CDKN3: variants seen among roughly 807,000 people sequenced by gnomAD.
The protein encoded by CDKN3 is cyclin-dependent kinase inhibitor 3.
In CDKN3, 19 loss-of-function variants were observed where a neutral mutation model predicts 36.1. The observed-to-expected ratio is 0.53, with a 90% CI of 0.37 to 0.77. The LOEUF is 0.77. Among genes scored for constraint, CDKN3 ranks in the 30% least tolerant of loss-of-function variants. The pLI, the probability that CDKN3 is intolerant of heterozygous loss-of-function variation, is 0.00. For synonymous variants in CDKN3, 71 were observed against 85.3 expected, an observed-to-expected ratio of 0.83 and a Z score of 0.92; for missense variants, 188 against 248.6, an observed-to-expected ratio of 0.76 and a Z score of 1.64.
intron 2 of CDKN3, 45 bp downstream of exon 2, chr14:54,400,021 A>G (rs755728211): frequency 7.9e-6 from 7 of 885,250 alleles, no homozygotes; most frequent in Non-Finnish European, 1.3e-5. Flanking sequence ...ATCACAATCT[A>G]CATCATAAAT....
chr14:54,418,448 G>A (rs2030621291), intron 7 of CDKN3: 4 of 587,886 alleles, frequency 6.8e-6, no homozygotes, highest in African/African-American at 1.9e-5. Context: ...GTAGATAACT[G>A]GGGACATCTT....
chr14:54,411,904 A>T, intron 5 of CDKN3, 198 bp downstream of exon 5: 1 of 616,040 alleles, frequency 1.6e-6, no homozygotes, highest in Non-Finnish European at 2.9e-6. Flanking sequence ...ACTTTTCAAG[A>T]GTAGGGACAA....
At chr14:54,401,658 G>T in intron 3 of CDKN3, 79 bp downstream of exon 3, 1 of 1,031,142 alleles carries the variant, frequency 9.7e-7, no homozygotes. Context: ...CTTTTGGGGG[G>T]ACAGGTGGTG....
chr14:54,419,342 A>G (rs4251674), intron 7 of CDKN3, among the ~76,000 whole-genome samples: 15 of 152,226 alleles, frequency 9.9e-5, no homozygotes, highest in Non-Finnish European at 1.6e-4. Context: ...ATTCTGTGGC[A>G]AACAGGCTTG....
intron 1 of CDKN3, among the ~76,000 whole-genome samples, chr14:54,398,117 C>CA (rs778654373): frequency 2.6e-5 from 4 of 152,074 alleles, no homozygotes; most frequent in African/African-American, 4.8e-5. Flanking sequence ...GGCGACAGAG[C>CA]AAAACCCTAT....
At position 54,413,876 on chromosome 14, in the gene CDKN3, G is replaced by A. The variant is rs116479858; in HGVS notation, c.417-2023G>A. On this transcript the variant is annotated intron_variant, in intron 5 of 7. Coordinates refer to ENST00000335183, the MANE Select transcript of CDKN3 (RefSeq NM_005192.4). ...ACAAAGTACCACAAACCAGGTAGCT[G>A]AAAACAACAGAAATTTCTTCTTTCC... 9.3e-4 allele frequency: 1,213 copies of A among 1,298,538 alleles called. 14 individuals are homozygous for A. The African/African-American group carries it at 0.017, about 18-fold the overall frequency. The allele number at this position is 1,298,538 out of a possible 1,614,324, so 80.4% of individuals were successfully genotyped here. A position where few individuals can be genotyped will look rare whatever the true frequency, so the allele number is the denominator to read the frequency against.
rs4251603 is a variant in CDKN3, at chr14:54,399,013, T to A, written c.10-881T>A. Reference sequence around the variant, plus strand: ...TTTTTTTTTTTTTTTTTTGGCAGAGTCATGCCCTGTCAGCCAGGCTGGAGT... The same window carrying A: ...TTTTTTTTTTTTTTTTTTGGCAGAGACATGCCCTGTCAGCCAGGCTGGAGT... On this transcript the variant is annotated intron_variant, in intron 1 of 7. Coordinates refer to ENST00000335183, the MANE Select transcript of CDKN3 (RefSeq NM_005192.4). Among the ~76,000 whole-genome samples the A allele has an allele frequency of 1.1e-4, 10 of 88,580 alleles. No individual in the cohort carries two copies. In the East Asian group the frequency reaches 3.2e-3, roughly 28 times the overall value. 58.1% of individuals were successfully genotyped at this position (88,580 alleles called of 152,430 possible). A position where few individuals can be genotyped will look rare whatever the true frequency, so the allele number is the denominator to read the frequency against.
rs4251598 is a variant in CDKN3, at chr14:54,397,603, C to T, written c.9+526C>T. 2.7e-3 allele frequency among the ~76,000 whole-genome samples: 406 copies of T among 152,350 alleles called. 6 individuals carry two copies. In the East Asian group the frequency reaches 0.034, roughly 13 times the overall value. On this transcript the variant is annotated intron_variant, in intron 1 of 7. Transcript: ENST00000335183. Reference sequence around the variant, plus strand: ...TCCCGTGACGTTCAGAATCACAGGGCCTGGGGAAGCAGAAACGTCCAGCTC... The same window carrying T: ...TCCCGTGACGTTCAGAATCACAGGGTCTGGGGAAGCAGAAACGTCCAGCTC...
At position 54,419,973 on chromosome 14, in the gene CDKN3, G is replaced by C. The variant is rs747018768; in HGVS notation, c.553-19G>C. ...CTAGTTTTCTACAGTGTATTCCAAT[G>C]TATCTTTACTTTTTTCAGCAATACA... On this transcript the variant is annotated intron_variant, in intron 7 of 7. Transcript: ENST00000335183. 2.0e-6 allele frequency: 3 copies of C among 1,464,992 alleles called. No homozygotes were observed. In the East Asian group the frequency reaches 6.8e-5, roughly 33 times the overall value. 90.7% of individuals were successfully genotyped at this position (1,464,992 alleles called of 1,614,324 possible). A position where few individuals can be genotyped will look rare whatever the true frequency, so the allele number is the denominator to read the frequency against.
rs1341322549 is a variant in CDKN3 at position 54,411,673 on chromosome 14, C to T, written c.383C>T (p.Thr128Ile). ...SCCEIMEELT[T>I]CLKNYRKTLI... ...TGTGAAATAATGGAAGAGCTTACAA[C>T]CTGCCTTAAAAATTACCGAAAAACC... Residue 128 changes from threonine to isoleucine, a missense_variant, in exon 5 of 8, where the codon ACC becomes ATC. By Grantham distance (89) the Thr-to-Ile change is moderately conservative (BLOSUM62 -1). Transcript: ENST00000335183. 6.2e-7 allele frequency: 1 copy of T among 1,613,436 alleles called. No homozygotes were observed. Among genetic ancestry groups the T allele is most frequent in the Non-Finnish European group, 8.5e-7 (1 of 1,179,434 alleles).
At position 54,397,061 on chromosome 14, in the gene CDKN3, G is replaced by T. The variant is rs751042624; in HGVS notation, c.-8G>T. On this transcript the variant is annotated 5_prime_UTR_variant, in exon 1 of 8. Transcript: ENST00000335183. ...GGCGGCACTGGTCTCGACGTGGGGC[G>T]GCCAGCGATGAAGCCGGTGAGTCGG... The T allele has an allele frequency of 4.0e-6, 6 of 1,500,000 alleles. No homozygotes were observed. In the South Asian group the frequency reaches 5.1e-5, roughly 13 times the overall value. The allele number at this position is 1,500,000 out of a possible 1,614,324, so 92.9% of individuals were successfully genotyped here.
chr14:54,413,631 C>G (rs1026474954), intron 5 of CDKN3: 1 of 1,535,314 alleles, frequency 6.5e-7, no homozygotes, highest in Admixed American at 2.0e-5. Flanking sequence ...CCTACGGTGA[C>G]TAGTTTATTT....
intron 4 of CDKN3, among the ~76,000 whole-genome samples, chr14:54,409,854 T>G (rs1021179079): frequency 2.0e-5 from 3 of 148,878 alleles, no homozygotes; most frequent in Non-Finnish European, 4.4e-5. Context: ...ATTGCATTAC[T>G]GCACTCCAAC....
At chr14:54,413,008 C>T in intron 5 of CDKN3, 1 of 407,782 alleles carries the variant, frequency 2.5e-6, no homozygotes, top group South Asian at 1.7e-5. Flanking sequence ...CCAGGGGCCT[C>T]ATGCCAACAG....
intron 3 of CDKN3, among the ~76,000 whole-genome samples, chr14:54,404,256 G>A (rs1472646236): frequency 6.6e-6 from 1 of 151,714 alleles, no homozygotes; most frequent in Non-Finnish European, 1.5e-5. Flanking sequence ...CTTCCTGGGA[G>A]GGAAGAAGTC....
chr14:54,415,700 G>T (rs1055883692), intron 5 of CDKN3, among the ~76,000 whole-genome samples, 199 bp from the exon 6 acceptor site: 1 of 152,192 alleles, frequency 6.6e-6, no homozygotes, highest in African/African-American at 2.4e-5. Context: ...ATGCTTAGAG[G>T]TGTTCAGAAT....
rs564320477 is a variant in CDKN3, at chr14:54,418,618, G to A, written c.552+667G>A. On this transcript the variant is annotated intron_variant, in intron 7 of 7. Transcript: ENST00000335183. ...TCAGAAGCGTGCCCTCTCAGCATTA[G>A]AATCCGCTCATCAGAGGAGTGGGCA... 2.6e-5 allele frequency among the ~76,000 whole-genome samples: 4 copies of A among 152,332 alleles called. No individual in the cohort carries two copies. In the East Asian group the frequency reaches 7.7e-4, roughly 29 times the overall value.
Position 54,419,981 on chromosome 14 carries a change from A to T in CDKN3, c.553-11A>T. The T allele has an allele frequency of 6.5e-7, 1 of 1,538,050 alleles. No homozygotes were observed. The highest frequency in any genetic ancestry group is 1.4e-5 in the African/African-American group (1 of 73,478). The stretch of plus-strand genomic sequence containing the variant: ...CTACAGTGTATTCCAATGTATCTTT[A>T]CTTTTTTCAGCAATACAATTATCTT... On this transcript the variant is annotated splice_polypyrimidine_tract_variant and intron_variant, in intron 7 of 7. Coordinates refer to ENST00000335183, the MANE Select transcript of CDKN3 (RefSeq NM_005192.4).
chr14:54,410,308 A>T (rs955059876), intron 4 of CDKN3, among the ~76,000 whole-genome samples: 4 of 152,244 alleles, frequency 2.6e-5, no homozygotes, highest in Non-Finnish European at 5.9e-5. Context: ...AAAAATTACC[A>T]AATGTGTACA....
Sources: gnomAD v4.1 joint callset for allele counts (sites outside exome capture counted in the v4.1 genomes callset) on GRCh38, gnomAD v4.1.1 for gene constraint, MANE v1.5 for transcripts, NCBI Gene and HGNC (gene_info 2026-07-23, HGNC 2026-07-21) for gene names.